DENND1A: variants seen among roughly 807,000 people sequenced by gnomAD.
The protein encoded by DENND1A is DENN domain-containing protein 1A.
In DENND1A, 51 loss-of-function variants were observed where a neutral mutation model predicts 113.7. That is an observed-to-expected ratio of 0.45 (90% CI 0.36 to 0.57). The LOEUF (loss-of-function observed/expected upper bound fraction) is 0.57, where lower values mean the gene tolerates loss of function less well. Among genes scored for constraint, DENND1A ranks in the 20% least tolerant of loss-of-function variants. The pLI is 0.00. For missense variants in DENND1A, 1,258 were observed against 1,395.9 expected (o/e 0.90, Z 1.57); for synonymous variants, 565 against 570.8 (o/e 0.99, Z 0.14).
intron 2 of DENND1A, among the ~76,000 whole-genome samples, chr9:123,856,533 G>A (rs1844229104): frequency 1.3e-5 from 2 of 152,170 alleles, no homozygotes; most frequent in African/African-American, 2.4e-5. Flanking sequence ...GGTGTGAGGT[G>A]TCAGAGCACC....
intron 21 of DENND1A, chr9:123,402,592 C>A (rs184395895): frequency 7.5e-6 from 4 of 534,672 alleles, no homozygotes; most frequent in South Asian, 1.4e-5. Flanking sequence ...TAGACCAAGA[C>A]GAACTCATGC....
rs561182415 is a variant in DENND1A, at chr9:123,470,667, A to T, written c.994-12770T>A. 2.4e-4 allele frequency among the ~76,000 whole-genome samples: 36 copies of T among 152,292 alleles called. 1 individual carries two copies. The South Asian group carries it at 7.3e-3, about 31-fold the overall frequency. On this transcript the variant is annotated intron_variant, in intron 13 of 23. Coordinates refer to ENST00000394215, the MANE Select transcript of DENND1A (RefSeq NM_001352964.2). The stretch of plus-strand genomic sequence containing the variant: ...AAAGGACATGGTGATAAAACAGAAG[A>T]GGCACAAATTCGTCTCCACAAATGA...
At chr9:123,513,865 G>A (rs1297014083) in intron 13 of DENND1A, among the ~76,000 whole-genome samples, 1 of 152,170 alleles carries the variant, frequency 6.6e-6, no homozygotes, top group Non-Finnish European at 1.5e-5. Flanking sequence ...TCTGCTTCAG[G>A]TAGATCTTAA....
At chr9:123,666,279 T>C (rs1455273496) in intron 8 of DENND1A, among the ~76,000 whole-genome samples, 4 of 152,252 alleles carry the variant, frequency 2.6e-5, no homozygotes, top group East Asian at 1.9e-4. Context: ...TGATTCTACA[T>C]AGTACTATTT....
intron 8 of DENND1A, among the ~76,000 whole-genome samples, chr9:123,656,904 T>C (rs1054438520): frequency 6.6e-6 from 1 of 152,240 alleles, no homozygotes; most frequent in Non-Finnish European, 1.5e-5. Flanking sequence ...GGCTTGAGGA[T>C]ATTCCTTTCC....
chr9:123,914,471 G>C (rs574621993), intron 1 of DENND1A, among the ~76,000 whole-genome samples: 1 of 145,746 alleles, frequency 6.9e-6, no homozygotes, highest in Admixed American at 7.0e-5. Context: ...CATGAACCCG[G>C]AAGGCCAAGC....
chr9:123,390,709 G>C (rs1472288680), intron 21 of DENND1A, among the ~76,000 whole-genome samples: 1 of 152,244 alleles, frequency 6.6e-6, no homozygotes, highest in African/African-American at 2.4e-5. Flanking sequence ...AAGAAGTGGA[G>C]AACAGGGACT....
intron 3 of DENND1A, among the ~76,000 whole-genome samples, chr9:123,770,323 T>C (rs762450215): frequency 2.6e-5 from 4 of 152,142 alleles, no homozygotes; most frequent in Non-Finnish European, 5.9e-5. Flanking sequence ...TTATTCAGGA[T>C]TAGGGTACAC....
chr9:123,607,055 C>CAGTAGTGG (rs2060186382), intron 11 of DENND1A, among the ~76,000 whole-genome samples: 8 of 152,136 alleles, frequency 5.3e-5, no homozygotes, highest in African/African-American at 1.9e-4. Flanking sequence ...GTGCAGAACC[C>CAGTAGTGG]AGGGACTGTG....
intron 9 of DENND1A, among the ~76,000 whole-genome samples, chr9:123,634,807 G>T (rs2138784239): frequency 6.6e-6 from 1 of 152,328 alleles, no homozygotes; most frequent in East Asian, 1.9e-4. Flanking sequence ...CCCTGAAGCA[G>T]CTGAATAGCC....
At chr9:123,792,733 G>C in intron 2 of DENND1A, 103 bp from the exon 3 acceptor site, 2 of 1,307,536 alleles carry the variant, frequency 1.5e-6, no homozygotes, top group South Asian at 1.4e-5. Flanking sequence ...CCCTGGCAGG[G>C]GATCCAAGGG....
At chr9:123,534,054 A>C (rs1338757072) in intron 13 of DENND1A, among the ~76,000 whole-genome samples, 2 of 152,260 alleles carry the variant, frequency 1.3e-5, no homozygotes, top group Non-Finnish European at 1.5e-5. Flanking sequence ...ATTGAATGTC[A>C]TTTATCACAC....
intron 9 of DENND1A, among the ~76,000 whole-genome samples, chr9:123,647,101 G>C (rs183236898): frequency 3.1e-4 from 47 of 152,164 alleles, no homozygotes; most frequent in African/African-American, 8.7e-4. Flanking sequence ...GAACTGCTTT[G>C]TCTCTATCCC....
At chr9:123,798,786 C>A (rs551001271) in intron 2 of DENND1A, among the ~76,000 whole-genome samples, 1 of 147,966 alleles carries the variant, frequency 6.8e-6, no homozygotes, top group Non-Finnish European at 1.5e-5. Flanking sequence ...ACCTTTTTCT[C>A]TACTGAATAT....
intron 1 of DENND1A, among the ~76,000 whole-genome samples, chr9:123,895,027 T>C (rs142979590): frequency 1.9e-4 from 29 of 151,018 alleles, no homozygotes; most frequent in African/African-American, 6.6e-4. Flanking sequence ...ATCACCCTGA[T>C]TGAAACTCAG....
chr9:123,413,381 T>C lies in DENND1A; in HGVS notation c.1489-1552A>G, dbSNP rs79141587. 2.6e-5 allele frequency: 25 copies of C among 976,936 alleles called. No individual in the cohort carries two copies. The East Asian group carries it at 2.7e-3, about 107-fold the overall frequency. 60.5% of individuals were successfully genotyped at this position (976,936 alleles called of 1,614,324 possible). On this transcript the variant is annotated intron_variant, in intron 19 of 23. Coordinates refer to ENST00000394215, the MANE Select transcript of DENND1A (RefSeq NM_001352964.2). ...TCACATTCAGAATTCCACATGTGAC[T>C]CCCGTATGAAGCTCCCATTATGTTT...
intron 10 of DENND1A, among the ~76,000 whole-genome samples, chr9:123,618,721 A>T (rs1463048947): frequency 6.6e-6 from 1 of 152,124 alleles, no homozygotes; most frequent in Non-Finnish European, 1.5e-5. Context: ...TGTTAAAGGG[A>T]CACCTTGTCT....
intron 5 of DENND1A, among the ~76,000 whole-genome samples, chr9:123,739,630 G>A (rs946399926): frequency 3.3e-5 from 5 of 152,072 alleles, no homozygotes; most frequent in Non-Finnish European, 1.5e-5. Context: ...CTTTTAATGA[G>A]AGGCTCATAT....
chr9:123,579,205 A>G (rs1229014452), intron 12 of DENND1A, among the ~76,000 whole-genome samples: 1 of 152,200 alleles, frequency 6.6e-6, no homozygotes, highest in East Asian at 1.9e-4. Flanking sequence ...TATATTATAT[A>G]TATTACATTT....
Sources: allele counts gnomAD v4.1 joint callset (sites outside exome capture counted in the v4.1 genomes callset), GRCh38; gene constraint gnomAD v4.1.1; transcripts MANE v1.5; gene names NCBI Gene and HGNC (gene_info 2026-07-23, HGNC 2026-07-21).